Variants in DZIP1 observed in about 807,000 individuals in gnomAD.
DZIP1 encodes DAZ interacting zinc finger protein 1.
Under a neutral mutation model 107.6 loss-of-function variants are expected in DZIP1, and 97 were observed. The observed-to-expected ratio is 0.90, with a 90% CI of 0.77 to 1.07. DZIP1 has a LOEUF of 1.07. Among genes scored for constraint, DZIP1 ranks in the 50% least tolerant of loss-of-function variants. The pLI, the probability that DZIP1 is intolerant of heterozygous loss-of-function variation, is 0.00. For synonymous variants in DZIP1, 390 were observed against 386.4 expected, an observed-to-expected ratio of 1.01 and a Z score of -0.11; for missense variants, 1,035 against 1,063.6, an observed-to-expected ratio of 0.97 and a Z score of 0.37.
chr13:95,630,595 G>T, intron 6 of DZIP1: 1 of 594,538 alleles, frequency 1.7e-6, no homozygotes, highest in Non-Finnish European at 2.4e-6. Flanking sequence ...GAGGACTTGG[G>T]GGGCATTCAA....
rs185607020 is a variant in DZIP1 at position 95,642,889 on chromosome 13, A to G, written c.-213+154T>C. Among the ~76,000 whole-genome samples, 949 of 152,302 alleles carry G rather than the reference A, an allele frequency of 6.2e-3. 26 individuals are homozygous for G. The East Asian group carries it at 0.064, about 10-fold the overall frequency. On this transcript the variant is annotated intron_variant, in intron 3 of 22. Transcript: ENST00000376829. Reference sequence around the variant, plus strand: ...TTAGCAGCCTAAATATAACATTTTGATAAAAGTACGAACCAAAGAACTCCC... The same window carrying G: ...TTAGCAGCCTAAATATAACATTTTGGTAAAAGTACGAACCAAAGAACTCCC...
chr13:95,619,686 A>AG (rs1184518358), intron 10 of DZIP1, among the ~76,000 whole-genome samples, 199 bp downstream of exon 10: 14 of 151,194 alleles, frequency 9.3e-5, no homozygotes, highest in African/African-American at 4.8e-5. Flanking sequence ...AAGTTTCATG[A>AG]GAAAAAAAAA....
chr13:95,599,554 G>A (rs1245309257), intron 14 of DZIP1, 130 bp from the exon 15 acceptor site: 3 of 784,456 alleles, frequency 3.8e-6, no homozygotes, highest in Non-Finnish European at 6.2e-6. Context: ...AGAATTTACT[G>A]AGGAAAAAAC....
At chr13:95,584,606 A>G (rs901184810) in intron 22 of DZIP1, 130 bp downstream of exon 22, 1 of 1,449,174 alleles carries the variant, frequency 6.9e-7, no homozygotes, top group Non-Finnish European at 9.1e-7. Context: ...TATTTAAATA[A>G]CATAAAGAAA....
At chr13:95,584,942 T>C in intron 21 of DZIP1, 32 bp from the exon 22 acceptor site, 1 of 1,576,416 alleles carries the variant, frequency 6.3e-7, no homozygotes, top group South Asian at 1.2e-5. Context: ...TAATTAATGT[T>C]GCTTAGAAAA....
At chr13:95,593,284 C>T (rs2044361013) in intron 16 of DZIP1, among the ~76,000 whole-genome samples, 1 of 152,182 alleles carries the variant, frequency 6.6e-6, no homozygotes, top group South Asian at 2.1e-4. Context: ...TACATGCACA[C>T]ATACACACTA....
At chr13:95,605,445 G>A (rs1040329083) in intron 14 of DZIP1, among the ~76,000 whole-genome samples, 1 of 152,234 alleles carries the variant, frequency 6.6e-6, no homozygotes, top group African/African-American at 2.4e-5. Context: ...ATTGGATCAT[G>A]TTAATAACAA....
chr13:95,641,203 A>G lies in DZIP1; in HGVS notation c.597+92T>C. The stretch of plus-strand genomic sequence containing the variant: ...CTTCTGATATACAATATAAATCTTT[A>G]AGAAGAAAGAGTGGTGATACGGGAC... On this transcript the variant is annotated intron_variant, in intron 5 of 22. Coordinates refer to ENST00000376829, the MANE Select transcript of DZIP1 (RefSeq NM_198968.4). This position sits in a 1 kb window ranked among gnomAD's most constrained non-coding sequence, Gnocchi z 4.3. 1 of 1,484,078 alleles carries G rather than the reference A, an allele frequency of 6.7e-7. No homozygotes were observed. The highest frequency in any genetic ancestry group is 1.4e-5 in the South Asian group (1 of 72,272). The allele number at this position is 1,484,078 out of a possible 1,614,324, so 91.9% of individuals were successfully genotyped here.
chr13:95,625,880 T>C (rs1399240047), intron 7 of DZIP1, among the ~76,000 whole-genome samples: 1 of 151,986 alleles, frequency 6.6e-6, no homozygotes, highest in Non-Finnish European at 1.5e-5. Flanking sequence ...CCCAACAGTT[T>C]GGGAGGCCAC....
intron 14 of DZIP1, among the ~76,000 whole-genome samples, chr13:95,604,344 C>G (rs1386459874): frequency 6.6e-6 from 1 of 152,242 alleles, no homozygotes; most frequent in Non-Finnish European, 1.5e-5. Flanking sequence ...GCCCCTGCCG[C>G]CCTGGGGAAG....
At chr13:95,607,127 A>G (rs1594682493) in intron 13 of DZIP1, among the ~76,000 whole-genome samples, 1 of 151,988 alleles carries the variant, frequency 6.6e-6, no homozygotes, top group Non-Finnish European at 1.5e-5. Flanking sequence ...GCTCACTACA[A>G]CCTTTGCCTC....
intron 5 of DZIP1, among the ~76,000 whole-genome samples, chr13:95,640,608 G>A (rs138899821): frequency 3.3e-5 from 5 of 152,066 alleles, no homozygotes; most frequent in African/African-American, 9.6e-5. Flanking sequence ...CTCAAAAATT[G>A]CAATATTTAT....
chr13:95,608,700 G>A (rs2044869134), intron 13 of DZIP1, among the ~76,000 whole-genome samples: 1 of 152,118 alleles, frequency 6.6e-6, no homozygotes, highest in Non-Finnish European at 1.5e-5. Flanking sequence ...CAAGAAGACT[G>A]AGAGGTTAAA....
intron 10 of DZIP1, among the ~76,000 whole-genome samples, chr13:95,615,341 C>T (rs1008026089): frequency 2.6e-5 from 4 of 152,152 alleles, no homozygotes; most frequent in African/African-American, 9.7e-5. Context: ...CCTTCCCACC[C>T]CCGATTAATA....
At chr13:95,602,299 T>G (rs1163336649) in intron 14 of DZIP1, among the ~76,000 whole-genome samples, 1 of 152,176 alleles carries the variant, frequency 6.6e-6, no homozygotes. Flanking sequence ...TCCCGACATA[T>G]TCACCTCCTA....
At chr13:95,587,342 G>A (rs1227624747) in intron 20 of DZIP1, among the ~76,000 whole-genome samples, 197 bp downstream of exon 20, 1 of 152,104 alleles carries the variant, frequency 6.6e-6, no homozygotes, top group Non-Finnish European at 1.5e-5. Flanking sequence ...TAATACACCA[G>A]GTATCATTCC....
At chr13:95,583,562 A>T (rs2044066635) in intron 22 of DZIP1, among the ~76,000 whole-genome samples, 1 of 152,234 alleles carries the variant, frequency 6.6e-6, no homozygotes, top group Non-Finnish European at 1.5e-5. Context: ...ATTTAAAAAA[A>T]AATTACTAAG....
At chr13:95,585,056 T>C (rs1167404146) in intron 21 of DZIP1, 146 bp from the exon 22 acceptor site, 4 of 579,466 alleles carry the variant, frequency 6.9e-6, no homozygotes, top group Non-Finnish European at 1.1e-5. Context: ...TAGTCATTTC[T>C]GCAGGGCAAT....
intron 5 of DZIP1, among the ~76,000 whole-genome samples, 154 bp from the exon 6 acceptor site, chr13:95,633,475 A>G (rs3742150): frequency 0.81 from 122,621 of 151,732 alleles, 50,576 homozygotes; most frequent in Non-Finnish European, 0.91. Flanking sequence ...CCAAGGTTAG[A>G]AGTTTGAGAC....
Sources: allele counts gnomAD v4.1 joint callset (sites outside exome capture counted in the v4.1 genomes callset), GRCh38; gene constraint gnomAD v4.1.1; non-coding constraint Gnocchi (gnomAD v3.1); transcripts MANE v1.5; gene names NCBI Gene and HGNC (gene_info 2026-07-23, HGNC 2026-07-21).